HAO2: variants seen among roughly 807,000 people sequenced by gnomAD.
HAO2 encodes the protein 2-Hydroxyacid oxidase 2.
In HAO2, 42 loss-of-function variants were observed where a neutral mutation model predicts 37.4. The ratio of observed to expected loss-of-function variants is 1.12; its 90% CI spans 0.88 to 1.45. The LOEUF (loss-of-function observed/expected upper bound fraction) is 1.45, where lower values mean the gene tolerates loss of function less well. Among genes scored for constraint, HAO2 ranks in the 40% most tolerant of loss-of-function variants. The probability of loss-of-function intolerance (pLI) is 0.00; values close to 1 mark genes in which losing one functional copy is unlikely to be tolerated. For synonymous variants in HAO2, 180 were observed against 162.8 expected, an observed-to-expected ratio of 1.11 and a Z score of -0.81; for missense variants, 476 against 430.2, an observed-to-expected ratio of 1.11 and a Z score of -0.94.
At chr1:119,376,425 A>G (rs922001648) in intron 1 of HAO2, among the ~76,000 whole-genome samples, 6 of 152,136 alleles carry the variant, frequency 3.9e-5, no homozygotes, top group African/African-American at 9.7e-5. Flanking sequence ...CTGCTTCCAC[A>G]GGCTAATGTT....
chr1:119,393,533 G>C (rs1651077636), intron 7 of HAO2, among the ~76,000 whole-genome samples: 1 of 152,122 alleles, frequency 6.6e-6, no homozygotes, highest in South Asian at 2.1e-4. Context: ...TTTAGAAAAT[G>C]CTAAAATAGG....
At position 119,384,693 on chromosome 1, in the gene HAO2, A is replaced by C. The variant is rs587650844; in HGVS notation, c.284-83A>C. 5.4e-6 allele frequency: 6 copies of C among 1,104,540 alleles called. No homozygotes were observed. In the East Asian group the frequency reaches 1.4e-4, roughly 26 times the overall value. The allele number at this position is 1,104,540 out of a possible 1,614,324, so 68.4% of individuals were successfully genotyped here. A position where few individuals can be genotyped will look rare whatever the true frequency, so the allele number is the denominator to read the frequency against. On this transcript the variant is annotated intron_variant, in intron 3 of 7. Coordinates refer to ENST00000325945, the MANE Select transcript of HAO2 (RefSeq NM_016527.4). ...TCTGCATTCATGGGGCAAGATGGCCAGAGGCTACACAGACTCCCAAGGTTT... is the reference window on the plus strand; with the variant it reads ...TCTGCATTCATGGGGCAAGATGGCCCGAGGCTACACAGACTCCCAAGGTTT...
At chr1:119,376,042 C>CAAG (rs1290555941) in intron 1 of HAO2, among the ~76,000 whole-genome samples, 1 of 152,126 alleles carries the variant, frequency 6.6e-6, no homozygotes, top group Non-Finnish European at 1.5e-5. Context: ...GCCTTCCCAA[C>CAAG]AGTTCCTCAA....
intron 7 of HAO2, 22 bp from the exon 8 acceptor site, chr1:119,393,763 T>G (rs1174487944): frequency 6.2e-7 from 1 of 1,611,386 alleles, no homozygotes; most frequent in Admixed American, 1.7e-5. Flanking sequence ...AAAATGAGCT[T>G]GTAACCACAT....
In HAO2 at chr1:119,385,036, C is replaced by T. The variant is rs1265601451; in HGVS notation, c.544C>T (p.Leu182Phe). 1.2e-6 allele frequency: 2 copies of T among 1,611,888 alleles called. No individual in the cohort carries two copies. Among genetic ancestry groups the T allele is most frequent in the African/African-American group, 1.3e-5 (1 of 74,990 alleles). ...GAGGAGGAACTTAACACTAACAGAT[C>T]TTCAATCACCTAAAAAGGTAAGAAA... The part of the protein sequence containing the change: ...QLRRNLTLTD[L>F]QSPKKGNAIP... Residue 182 changes from leucine (L) to phenylalanine (F), a missense_variant, in exon 4 of 8, where the codon CTT becomes TTT. Physicochemically the swap from Leu to Phe is conservative, Grantham distance 22. Transcript: ENST00000325945.
At chr1:119,374,202 C>A (rs993962614) in intron 1 of HAO2, among the ~76,000 whole-genome samples, 2 of 152,220 alleles carry the variant, frequency 1.3e-5, no homozygotes, top group Non-Finnish European at 2.9e-5. Flanking sequence ...GTCACAGGAG[C>A]ATTTTCCAGT....
Position 119,389,480 on chromosome 1 carries a change from C to T in HAO2, c.772-2630C>T, listed in dbSNP as rs587597203. Among the ~76,000 whole-genome samples, 537 of 151,820 alleles carry T rather than the reference C, an allele frequency of 3.5e-3. 3 individuals carry two copies. Among genetic ancestry groups the T allele is most frequent in the Non-Finnish European group, 5.1e-3 (346 of 67,926 alleles). The stretch of plus-strand genomic sequence containing the variant: ...CTATTATTTTTTGATTATGGCCATT[C>T]TTGTAGCAGTAAGGAAGTATTGCAT... On this transcript the variant is annotated intron_variant, in intron 5 of 7. Transcript: ENST00000325945.
At chr1:119,381,578 A>G (rs1378498925) in intron 2 of HAO2, among the ~76,000 whole-genome samples, 2 of 152,174 alleles carry the variant, frequency 1.3e-5, no homozygotes, top group Non-Finnish European at 2.9e-5. Flanking sequence ...TTGGAGAAGA[A>G]AATGGAAGAC....
Position 119,386,667 on chromosome 1 carries a change from C to G in HAO2, c.607C>G (p.Leu203Val), listed in dbSNP as rs780666065. 2.5e-6 allele frequency: 4 copies of G among 1,613,040 alleles called. No homozygotes were observed. Among genetic ancestry groups the G allele is most frequent in the East Asian group, 2.2e-5 (1 of 44,860 alleles). Reference sequence around the variant, plus strand: ...CCAGATGACTCCTATCAGCACTTCTCTCTGCTGGAATGATCTCTCCTGGTT... The same window carrying G: ...CCAGATGACTCCTATCAGCACTTCTGTCTGCTGGAATGATCTCTCCTGGTT... ...YFQMTPISTS[L>V]CWNDLSWFQS... The change falls in exon 5 of 8, where the codon CTC (leucine) becomes GTC (valine). Residue 203 changes from leucine to valine, a missense_variant. By Grantham distance (32) the Leu-to-Val change is conservative. Coordinates refer to ENST00000325945, the MANE Select transcript of HAO2 (RefSeq NM_016527.4).
rs142325018 is a variant in HAO2, at chr1:119,385,074, G to A, written c.561+21G>A. On this transcript the variant is annotated intron_variant, in intron 4 of 7. Transcript: ENST00000325945. Reference sequence around the variant, plus strand: ...AAAAGGTAAGAAAGATACCAAATTCGATGGACAGGCATTACAAGAGGCAAA... The same window carrying A: ...AAAAGGTAAGAAAGATACCAAATTCAATGGACAGGCATTACAAGAGGCAAA... 2.3e-3 allele frequency: 3,689 copies of A among 1,598,046 alleles called. 10 individuals carry two copies. Among genetic ancestry groups the A allele is most frequent in the Non-Finnish European group, 3.0e-3 (3,514 of 1,169,090 alleles).
At chr1:119,385,270 C>G in intron 4 of HAO2, 2 of 985,076 alleles carry the variant, frequency 2.0e-6, no homozygotes, top group Non-Finnish European at 2.4e-6. Flanking sequence ...TGTTCTCACC[C>G]TTGGAGCTGC....
At chr1:119,382,840 G>C in intron 2 of HAO2, 75 bp from the exon 3 acceptor site, 2 of 1,380,360 alleles carry the variant, frequency 1.4e-6, no homozygotes, top group Non-Finnish European at 2.0e-6. Flanking sequence ...GGAATCAGGG[G>C]GGTCCACCCC....
chr1:119,384,402 A>G (rs889454735), intron 3 of HAO2, among the ~76,000 whole-genome samples: 2 of 152,216 alleles, frequency 1.3e-5, no homozygotes, highest in Admixed American at 1.3e-4. Context: ...CTGGAACTAC[A>G]TTCCCTCATC....
Position 119,384,944 on chromosome 1 carries a change from A to G in HAO2, c.452A>G (p.Lys151Arg). The change falls in exon 4 of 8, where the codon AAA becomes AGA. Residue 151 changes from lysine to arginine, a missense_variant. Transcript: ENST00000325945. ...CAGAGGGTAGAATCCCTAGGTTTCA[A>G]AGCTTTGGTAATAACTTTGGATACA... ...LIQRVESLGF[K>R]ALVITLDTPV... is the part of the protein sequence containing the mutation. 1 of 1,613,994 alleles carries G rather than the reference A, an allele frequency of 6.2e-7. No homozygotes were observed. The highest frequency in any genetic ancestry group is 8.5e-7 in the Non-Finnish European group (1 of 1,179,878).
intron 1 of HAO2, chr1:119,380,722 A>T (rs587696413): frequency 4.4e-6 from 7 of 1,593,384 alleles, no homozygotes. Flanking sequence ...GTGAATGTGA[A>T]GGCAAGATAC....
chr1:119,381,747 T>C (rs1328127270), intron 2 of HAO2, among the ~76,000 whole-genome samples: 1 of 152,208 alleles, frequency 6.6e-6, no homozygotes, highest in African/African-American at 2.4e-5. Context: ...CCGCCACTTA[T>C]TTTTGTATGG....
In HAO2 at chr1:119,383,066, G is replaced by T. The variant is rs774922676; in HGVS notation, c.283G>T (p.Ala95Ser). ...WPDGEMSTAR[A>S]AQAAGICYIT... The stretch of plus-strand genomic sequence containing the variant: ...TGATGGGGAAATGAGCACAGCAAGA[G>T]GTATGAACCATCCCCACCTCGAGGC... Residue 95 changes from alanine (A) to serine (S), a missense_variant and splice_region_variant, in exon 3 of 8, where the codon GCT (alanine) becomes TCT (serine). By Grantham distance (99) the Ala-to-Ser change is moderately conservative (BLOSUM62 1). Coordinates refer to ENST00000325945, the MANE Select transcript of HAO2 (RefSeq NM_016527.4). 6.2e-7 allele frequency: 1 copy of T among 1,610,210 alleles called. No homozygotes were observed. The highest frequency in any genetic ancestry group is 8.5e-7 in the Non-Finnish European group (1 of 1,177,960).
chr1:119,392,334 T>C, intron 6 of HAO2, 66 bp downstream of exon 6: 1 of 1,328,036 alleles, frequency 7.5e-7, no homozygotes, highest in Non-Finnish European at 1.1e-6. Context: ...TGCTTTCCTG[T>C]GGTTCATTTT....
chr1:119,370,998 A>G (rs587694599), intron 1 of HAO2, among the ~76,000 whole-genome samples: 1 of 152,302 alleles, frequency 6.6e-6, no homozygotes, highest in South Asian at 2.1e-4. Context: ...TGTTTTGCAC[A>G]TTCTATCCTT....
Sources: gnomAD v4.1 joint callset for allele counts (sites outside exome capture counted in the v4.1 genomes callset) on GRCh38, gnomAD v4.1.1 for gene constraint, MANE v1.5 for transcripts, NCBI Gene and HGNC (gene_info 2026-07-23, HGNC 2026-07-21) for gene names.